The following HAUS7 variants were observed in gnomAD, a reference collection of about 807,000 sequenced individuals.
HAUS7 encodes the protein HAUS augmin like complex subunit 7.
In HAUS7, 3 loss-of-function variants were observed where a neutral mutation model predicts 28.4. The ratio of observed to expected loss-of-function variants is 0.11; its 90% CI spans 0.05 to 0.27. The LOEUF (loss-of-function observed/expected upper bound fraction) is 0.27, where lower values mean the gene tolerates loss of function less well. HAUS7 is among the 10% of genes least tolerant of loss of function. HAUS7 has a pLI of 1.00. For synonymous variants in HAUS7, 165 were observed against 132.1 expected (o/e 1.25, Z -1.71); for missense variants, 284 against 297.3 (o/e 0.96, Z 0.33).
intron 1 of HAUS7, chrX:153,481,328 G>C (rs1569531637): frequency 1.9e-5 from 14 of 750,571 alleles, no homozygotes; most frequent in Non-Finnish European, 2.0e-5. Context: ...CCTGTTGCTT[G>C]TGACCCAGCA....
intron 9 of HAUS7, among the ~76,000 whole-genome samples, chrX:153,448,634 C>T (rs1226513583): frequency 8.9e-6 from 1 of 112,078 alleles, no homozygotes; most frequent in African/African-American, 3.2e-5. Flanking sequence ...GCGCAAGAGG[C>T]GAGGTGCCTC....
intron 3 of HAUS7, among the ~76,000 whole-genome samples, chrX:153,463,367 C>T (rs1321542532): frequency 8.9e-6 from 1 of 111,912 alleles, no homozygotes; most frequent in African/African-American, 3.3e-5. Context: ...CAAGCCTGTT[C>T]CACCACTGCC....
At chrX:153,477,894 GC>G (rs1556986534) in intron 1 of HAUS7, among the ~76,000 whole-genome samples, 1 of 112,030 alleles carries the variant, frequency 8.9e-6, no homozygotes, top group East Asian at 2.8e-4. Context: ...TCCTCAAGGA[GC>G]CCAGTGAAGA....
chrX:153,474,708 G>A (rs1312375913), upstream of HAUS7, among the ~76,000 whole-genome samples: 2 of 75,967 alleles, frequency 2.6e-5, no homozygotes, highest in Non-Finnish European at 4.4e-5. Context: ...GGGAGAGGCG[G>A]GGGCGGGGGC....
chrX:153,486,246 C>T (rs1052771254), intron 1 of HAUS7: 7 of 332,187 alleles, frequency 2.1e-5, no homozygotes, highest in African/African-American at 8.2e-5. Context: ...ACCCACAGGC[C>T]GCAGAGGCCG....
chrX:153,462,256 A>G (rs955813351), intron 4 of HAUS7: 32 of 716,832 alleles, frequency 4.5e-5, no homozygotes, highest in African/African-American at 2.3e-4. Flanking sequence ...CTCGGGCCAC[A>G]AGGGCTTGGG....
At chrX:153,460,636 T>G (rs1399158326) in intron 4 of HAUS7, among the ~76,000 whole-genome samples, 1 of 110,992 alleles carries the variant, frequency 9.0e-6, no homozygotes, top group Middle Eastern at 4.3e-3. Context: ...CATGGCAGAT[T>G]TTACGTAAAG....
chrX:153,483,916 G>A (rs137946903), intron 1 of HAUS7, among the ~76,000 whole-genome samples: 68 of 112,442 alleles, frequency 6.0e-4, no homozygotes, highest in Non-Finnish European at 1.0e-3. Context: ...CGGAAGGGCT[G>A]GGGGCACAGG....
rs782807236 is a variant in HAUS7 at position 153,468,376 on chromosome X, T to C, written c.224+770A>G. ...AACAGACTACAGCTGTTCCTGAGCA[T>C]GGCCTGGGCACACACCCAATCCCAC... On this transcript the variant is annotated intron_variant, in intron 2 of 9. Coordinates refer to ENST00000370211, the MANE Select transcript of HAUS7 (RefSeq NM_001385482.1). Among the ~76,000 whole-genome samples the C allele has an allele frequency of 2.1e-3, 231 of 112,586 alleles. No homozygotes were observed. The Middle Eastern group carries it at 0.037, about 18-fold the overall frequency.
At chrX:153,487,497 C>T (rs782042558) in intron 1 of HAUS7, among the ~76,000 whole-genome samples, 1 of 112,210 alleles carries the variant, frequency 8.9e-6, no homozygotes, top group South Asian at 3.7e-4. Flanking sequence ...TTCCTGGCCC[C>T]AGAACCCTCA....
upstream of HAUS7, among the ~76,000 whole-genome samples, chrX:153,474,748 C>G (rs1370365603): frequency 1.1e-5 from 1 of 94,144 alleles, no homozygotes; most frequent in Admixed American, 1.1e-4. Flanking sequence ...CGGGCGCTGG[C>G]GCGGGATGGG....
intron 6 of HAUS7, 64 bp downstream of exon 6, chrX:153,456,429 C>T (rs1556982203): frequency 8.5e-7 from 1 of 1,179,816 alleles, no homozygotes; most frequent in African/African-American, 1.8e-5. Flanking sequence ...GTAACAGAAC[C>T]AAGCAGCCTG....
At chrX:153,462,153 G>A in intron 4 of HAUS7, 8 of 1,030,379 alleles carry the variant, frequency 7.8e-6, no homozygotes, top group Non-Finnish European at 1.0e-5. Context: ...ATCATCGAGT[G>A]AAAACAATTA....
intron 1 of HAUS7, among the ~76,000 whole-genome samples, chrX:153,492,087 C>A (rs980270986): frequency 4.4e-5 from 5 of 112,597 alleles, no homozygotes; most frequent in Non-Finnish European, 7.5e-5. Context: ...TCCCCAGGAT[C>A]CCTGAGGGCC....
chrX:153,477,925 CCCCA>C (rs1456869448), intron 1 of HAUS7, among the ~76,000 whole-genome samples: 1 of 112,206 alleles, frequency 8.9e-6, no homozygotes, highest in Non-Finnish European at 1.9e-5. Flanking sequence ...CAGGCCTCCT[CCCCA>C]CCTTGACCAG....
rs2089182552 is a variant in HAUS7, at chrX:153,447,884, C to T, written c.1071G>A (p.Glu357=). ...GGCCATCACTGAAGACTTTCTATTT[C>T]TCCATTAGTTCATTCATCTTGGTAG... ...SLATKMNELM[E]K is the part of the protein sequence containing the mutation. The change falls in exon 10 of 10, where the codon GAG becomes GAA. Residue 357 remains glutamate (E), a synonymous_variant. Coordinates refer to ENST00000370211, the MANE Select transcript of HAUS7 (RefSeq NM_001385482.1). 1 of 1,202,074 alleles carries T rather than the reference C, an allele frequency of 8.3e-7. No homozygotes were observed. Among genetic ancestry groups the T allele is most frequent in the Admixed American group, 2.2e-5 (1 of 46,013 alleles).
intron 9 of HAUS7, among the ~76,000 whole-genome samples, chrX:153,451,582 G>C (rs1301841125): frequency 8.9e-6 from 1 of 112,077 alleles, no homozygotes; most frequent in African/African-American, 3.2e-5. Context: ...TCCAAAACTA[G>C]GGCTCAGAGG....
chrX:153,459,040 G>A (rs1556982852), intron 4 of HAUS7, among the ~76,000 whole-genome samples: 2 of 112,342 alleles, frequency 1.8e-5, no homozygotes, highest in Non-Finnish European at 3.8e-5. Flanking sequence ...TTACAGGCAT[G>A]AGCCACCAGG....
intron 5 of HAUS7, chrX:153,456,861 C>T: frequency 2.0e-5 from 9 of 441,574 alleles, no homozygotes; most frequent in Non-Finnish European, 1.6e-5. Flanking sequence ...ACCCTAGGTG[C>T]TCACCCTCCT....
Sources: gnomAD v4.1 joint callset for allele counts (sites outside exome capture counted in the v4.1 genomes callset) on GRCh38, gnomAD v4.1.1 for gene constraint, MANE v1.5 for transcripts, NCBI Gene and HGNC (gene_info 2026-07-23, HGNC 2026-07-21) for gene names.